Variants in CERS6 observed in about 807,000 individuals in gnomAD.
CERS6 encodes the protein ceramide synthase 6, also known as LAG1 homolog, ceramide synthase 6.
CERS6 carries 26 observed loss-of-function variants against 56.8 expected under a neutral mutation model. That is an observed-to-expected ratio of 0.46 (90% CI 0.34 to 0.63). The LOEUF (loss-of-function observed/expected upper bound fraction) is 0.63. CERS6 is among the 30% of genes least tolerant of loss of function. CERS6 has a pLI of 0.01. For synonymous variants in CERS6, 164 were observed against 173.3 expected, an observed-to-expected ratio of 0.95 and a Z score of 0.42; for missense variants, 415 against 467.5, an observed-to-expected ratio of 0.89 and a Z score of 1.04.
At chr2:168,494,534 C>A (rs908399716) in intron 1 of CERS6, among the ~76,000 whole-genome samples, 1 of 152,136 alleles carries the variant, frequency 6.6e-6, no homozygotes, top group African/African-American at 2.4e-5. Flanking sequence ...AACAGTTTCT[C>A]AATATCTTCA....
chr2:168,583,499 A>T (rs902382966), intron 3 of CERS6, among the ~76,000 whole-genome samples: 2 of 152,186 alleles, frequency 1.3e-5, no homozygotes, highest in African/African-American at 2.4e-5. Context: ...TTCGAATTTG[A>T]GGAGTAGATT....
chr2:168,629,383 A>G (rs893350267), intron 3 of CERS6, among the ~76,000 whole-genome samples: 7 of 152,008 alleles, frequency 4.6e-5, no homozygotes, highest in Non-Finnish European at 1.0e-4. Flanking sequence ...GGCTAGTTCC[A>G]TACTGGAAGG....
At chr2:168,746,813 AT>A (rs1684116634) in intron 8 of CERS6, among the ~76,000 whole-genome samples, 3 of 115,712 alleles carry the variant, frequency 2.6e-5, no homozygotes, top group South Asian at 2.8e-4. Context: ...ATATATATAT[AT>A]ATATATAAAA....
chr2:168,667,270 T>C (rs1421597015), intron 4 of CERS6, among the ~76,000 whole-genome samples: 1 of 152,254 alleles, frequency 6.6e-6, no homozygotes, highest in Non-Finnish European at 1.5e-5. Context: ...TGTCAGTTTC[T>C]TGCACAGGCG....
At chr2:168,509,572 C>T (rs1694741379) in intron 1 of CERS6, among the ~76,000 whole-genome samples, 2 of 152,166 alleles carry the variant, frequency 1.3e-5, no homozygotes, top group African/African-American at 2.4e-5. Context: ...TTCTAGTTCT[C>T]AGTCTTCATC....
chr2:168,673,126 T>G (rs1685964352), intron 4 of CERS6, among the ~76,000 whole-genome samples: 1 of 152,210 alleles, frequency 6.6e-6, no homozygotes, highest in Non-Finnish European at 1.5e-5. Flanking sequence ...AGGGTGGGTA[T>G]TAATTTCCTA....
intron 2 of CERS6, among the ~76,000 whole-genome samples, chr2:168,557,799 A>G (rs992853411): frequency 1.3e-5 from 2 of 152,224 alleles, no homozygotes; most frequent in African/African-American, 4.8e-5. Flanking sequence ...TATTTTTATC[A>G]AATTTCTGGA....
chr2:168,602,158 A>G (rs952926978), intron 3 of CERS6, among the ~76,000 whole-genome samples: 3 of 152,218 alleles, frequency 2.0e-5, no homozygotes, highest in African/African-American at 7.2e-5. Flanking sequence ...ACAAATAAGC[A>G]TTGGCCGATT....
At chr2:168,517,677 A>G (rs975402397) in intron 1 of CERS6, among the ~76,000 whole-genome samples, 1 of 151,986 alleles carries the variant, frequency 6.6e-6, no homozygotes, top group East Asian at 1.9e-4. Flanking sequence ...ACTTCCATGG[A>G]AAAAAAGAGA....
At chr2:168,653,929 G>A (rs974232127) in intron 4 of CERS6, among the ~76,000 whole-genome samples, 9 of 152,116 alleles carry the variant, frequency 5.9e-5, no homozygotes, top group Non-Finnish European at 1.3e-4. Flanking sequence ...AAAGGACCTT[G>A]GGCTGAGATG....
intron 4 of CERS6, among the ~76,000 whole-genome samples, chr2:168,651,836 G>A (rs976527684): frequency 2.0e-5 from 3 of 152,150 alleles, no homozygotes; most frequent in Non-Finnish European, 4.4e-5. Flanking sequence ...CCTAACATAC[G>A]TAAGCCCTCA....
chr2:168,533,076 C>T (rs1695196289), intron 1 of CERS6, among the ~76,000 whole-genome samples: 1 of 152,224 alleles, frequency 6.6e-6, no homozygotes, highest in South Asian at 2.1e-4. Flanking sequence ...AACAGTTTCT[C>T]ACTACTCTTC....
At chr2:168,661,182 C>T (rs1436002967) in intron 4 of CERS6, among the ~76,000 whole-genome samples, 3 of 152,062 alleles carry the variant, frequency 2.0e-5, no homozygotes, top group Admixed American at 6.5e-5. Context: ...AGAAGCCAAA[C>T]GAAATCCAAG....
At chr2:168,466,222 G>T (rs1693871569) in intron 1 of CERS6, among the ~76,000 whole-genome samples, 1 of 152,100 alleles carries the variant, frequency 6.6e-6, no homozygotes. Flanking sequence ...CTTAATAATA[G>T]TAAACTGGCT....
intron 1 of CERS6, among the ~76,000 whole-genome samples, chr2:168,481,276 G>T (rs1268947704): frequency 6.6e-6 from 1 of 152,166 alleles, no homozygotes; most frequent in African/African-American, 2.4e-5. Flanking sequence ...TTTGTCAGGC[G>T]TGGTGGCTGG....
chr2:168,477,016 A>G (rs551765531), intron 1 of CERS6, among the ~76,000 whole-genome samples: 7 of 152,222 alleles, frequency 4.6e-5, no homozygotes, highest in African/African-American at 1.7e-4. Flanking sequence ...TAAACAACAG[A>G]AATTTATTTT....
At chr2:168,503,730 T>A (rs1241597601) in intron 1 of CERS6, among the ~76,000 whole-genome samples, 2 of 152,128 alleles carry the variant, frequency 1.3e-5, no homozygotes, top group Non-Finnish European at 1.5e-5. Context: ...AGATCATAAT[T>A]TGGCTGTCCT....
intron 2 of CERS6, among the ~76,000 whole-genome samples, chr2:168,553,523 T>C (rs1025254774): frequency 6.6e-6 from 1 of 152,188 alleles, no homozygotes; most frequent in Non-Finnish European, 1.5e-5. Flanking sequence ...TGTAGGCCTT[T>C]CTATAATAAC....
At chr2:168,497,328 A>G (rs1694490406) in intron 1 of CERS6, among the ~76,000 whole-genome samples, 1 of 152,206 alleles carries the variant, frequency 6.6e-6, no homozygotes, top group African/African-American at 2.4e-5. Context: ...TTAGTAAACT[A>G]TGAGAAAATA....
Sources: allele counts gnomAD v4.1 joint callset (sites outside exome capture counted in the v4.1 genomes callset), GRCh38; gene constraint gnomAD v4.1.1; transcripts MANE v1.5; gene names NCBI Gene and HGNC (gene_info 2026-07-23, HGNC 2026-07-21).